FLT3: variants seen among roughly 807,000 people sequenced by gnomAD.
FLT3 encodes the protein receptor-type tyrosine-protein kinase FLT3.
In FLT3, 46 loss-of-function variants were observed where a neutral mutation model predicts 126.6. The observed-to-expected ratio is 0.36, with a 90% CI of 0.29 to 0.46. The LOEUF is 0.46. FLT3 is among the 20% of genes least tolerant of loss of function. The pLI, the probability that FLT3 is intolerant of heterozygous loss-of-function variation, is 1.00. For missense variants in FLT3, 1,069 were observed against 1,190.3 expected (o/e 0.90, Z 1.50); for synonymous variants, 404 against 434.4 (o/e 0.93, Z 0.87).
At chr13:28,092,831 C>CA (rs1169096638) in intron 1 of FLT3, among the ~76,000 whole-genome samples, 125 of 110,408 alleles carry the variant, frequency 1.1e-3, no homozygotes, top group African/African-American at 1.9e-3. Context: ...ACTCACTTTC[C>CA]AAAAAAAAAA....
At position 28,015,273 on chromosome 13, in the gene FLT3, A is replaced by G. The variant is rs779282825; in HGVS notation, c.2654-17T>C. The G allele has an allele frequency of 3.4e-6, 5 of 1,458,464 alleles. No homozygotes were observed. Among genetic ancestry groups the G allele is most frequent in the Non-Finnish European group, 4.8e-6 (5 of 1,039,858 alleles). 90.3% of individuals were successfully genotyped at this position (1,458,464 alleles called of 1,614,324 possible). A position where few individuals can be genotyped will look rare whatever the true frequency, so the allele number is the denominator to read the frequency against. ...GATTCACACCTGAGGAAAACATTAG[A>G]CAATTGCAGCCATTCATCCATTTCT... On this transcript the variant is annotated splice_polypyrimidine_tract_variant and intron_variant, in intron 21 of 23. Coordinates refer to ENST00000241453, the MANE Select transcript of FLT3 (RefSeq NM_004119.3).
At chr13:28,028,970 T>TG (rs145722194) in intron 15 of FLT3, among the ~76,000 whole-genome samples, 25,188 of 151,894 alleles carry the variant, frequency 0.17, 2,296 homozygotes, top group Admixed American at 0.23. Context: ...TTTGTAGAGA[T>TG]GGGGTCTCAC....
At position 28,027,159 on chromosome 13, in the gene FLT3, C is replaced by T. The variant is rs1156786993; in HGVS notation, c.2136G>A (p.Arg712=). Residue 712 remains arginine, a synonymous_variant, in exon 17 of 24, where the codon AGG becomes AGA. Coordinates refer to ENST00000241453, the MANE Select transcript of FLT3 (RefSeq NM_004119.3). The part of the protein sequence containing the change: ...YLRSKREKFH[R]TWTEIFKEHN... ...GTTCCTTGAAAATCTCTGTCCAAGT[C>T]CTGTGAAATTTTTCTCTTTTACTTC... The T allele has an allele frequency of 2.5e-6, 4 of 1,613,322 alleles. No individual in the cohort carries two copies. The highest frequency in any genetic ancestry group is 3.4e-6 in the Non-Finnish European group (4 of 1,179,336).
chr13:28,069,591 A>C (rs7993593), intron 2 of FLT3, among the ~76,000 whole-genome samples: 143,625 of 152,174 alleles, frequency 0.94, 68,307 homozygotes, highest in Non-Finnish European at 1. Context: ...GAAATACAGT[A>C]GGCCCTCTGT....
intron 15 of FLT3, among the ~76,000 whole-genome samples, chr13:28,032,933 G>A (rs1873475355): frequency 6.6e-6 from 1 of 152,178 alleles, no homozygotes; most frequent in African/African-American, 2.4e-5. Flanking sequence ...GCTTTTGCTG[G>A]GTCAGCGGTG....
intron 3 of FLT3, among the ~76,000 whole-genome samples, chr13:28,061,559 A>G (rs559646077): frequency 8.9e-4 from 136 of 152,004 alleles, no homozygotes; most frequent in African/African-American, 2.9e-3. Context: ...TAAACCCAGG[A>G]GCTCAAGACC....
intron 1 of FLT3, among the ~76,000 whole-genome samples, chr13:28,078,591 A>C (rs908806310): frequency 6.6e-6 from 1 of 152,212 alleles, no homozygotes; most frequent in African/African-American, 2.4e-5. Flanking sequence ...GCTGCTGTGA[A>C]GGTCTCCAAC....
intron 2 of FLT3, among the ~76,000 whole-genome samples, chr13:28,064,101 G>A (rs1009643340): frequency 4.0e-5 from 6 of 151,854 alleles, no homozygotes; most frequent in East Asian, 3.9e-4. Flanking sequence ...GCAAGACCCC[G>A]TCCCAAAACA....
intron 2 of FLT3, among the ~76,000 whole-genome samples, chr13:28,067,292 G>A (rs768836869): frequency 6.6e-6 from 1 of 152,166 alleles, no homozygotes; most frequent in Non-Finnish European, 1.5e-5. Flanking sequence ...CAAAATGCTG[G>A]GATTACAGGC....
At chr13:28,010,660 C>T (rs1311637096) in intron 23 of FLT3, among the ~76,000 whole-genome samples, 1 of 152,200 alleles carries the variant, frequency 6.6e-6, no homozygotes, top group African/African-American at 2.4e-5. Context: ...ATTTCCCACT[C>T]TTTCTCTCTG....
chr13:28,035,586 G>C lies in FLT3; in HGVS notation c.1506C>G (p.Asn502Lys). 1 of 1,614,118 alleles carries C rather than the reference G, an allele frequency of 6.2e-7. No individual in the cohort carries two copies. Among genetic ancestry groups the C allele is most frequent in the Non-Finnish European group, 8.5e-7 (1 of 1,180,002 alleles). ...GGAACCCTTTTATGGCTTCACTCAT[G>C]TTTAGAGTACTGCTCGACACCCACT... is the stretch of plus-strand genomic sequence containing the variant. The part of the protein sequence containing the change: ...FGQWVSSSTL[N>K]MSEAIKGFLV... The change falls in exon 12 of 24, where the codon AAC (asparagine) becomes AAG (lysine). Residue 502 changes from asparagine (N) to lysine (K), a missense_variant. Asn to Lys is a moderately conservative substitution (Grantham distance 94). Coordinates refer to ENST00000241453, the MANE Select transcript of FLT3 (RefSeq NM_004119.3).
chr13:28,049,581 C>G, intron 7 of FLT3, 44 bp from the exon 8 acceptor site: 1 of 1,612,790 alleles, frequency 6.2e-7, no homozygotes. Context: ...GTTTTCAATC[C>G]AGACTATTAG....
rs1879727067 is a variant in FLT3 at position 28,100,165 on chromosome 13, G to C, written c.43+303C>G. On this transcript the variant is annotated intron_variant, in intron 1 of 23. Coordinates refer to ENST00000241453, the MANE Select transcript of FLT3 (RefSeq NM_004119.3). The surrounding 1 kb of genome is among the most constrained non-coding windows in gnomAD (Gnocchi z 4.8). ...CGCGGGCCGAGCTGCCCCAGACCCG[G>C]CGCAGCGCCTCGGCGAGGCCGTCTG... 6.6e-6 allele frequency among the ~76,000 whole-genome samples: 1 copy of C among 152,134 alleles called. No individual in the cohort carries two copies. Among genetic ancestry groups the C allele is most frequent in the Non-Finnish European group, 1.5e-5 (1 of 68,028 alleles).
chr13:28,041,676 G>C (rs1874389399), intron 9 of FLT3, among the ~76,000 whole-genome samples: 1 of 152,212 alleles, frequency 6.6e-6, no homozygotes, highest in South Asian at 2.1e-4. Flanking sequence ...ACCGTGTCCT[G>C]ACCCCATGGG....
chr13:28,064,419 A>G (rs1258409348), intron 2 of FLT3, among the ~76,000 whole-genome samples: 1 of 152,050 alleles, frequency 6.6e-6, no homozygotes, highest in African/African-American at 2.4e-5. Context: ...CTAAAAATAT[A>G]AAAATTAGCC....
At chr13:28,077,131 A>C (rs1878003354) in intron 1 of FLT3, among the ~76,000 whole-genome samples, 1 of 151,766 alleles carries the variant, frequency 6.6e-6, no homozygotes, top group African/African-American at 2.4e-5. Context: ...GAGAAAAGAA[A>C]GAAAGAAAAA....
rs181952117 is a variant in FLT3 at position 28,033,766 on chromosome 13, T to C, written c.1942+121A>G. On this transcript the variant is annotated intron_variant, in intron 15 of 23. Transcript: ENST00000241453. ...TTGACACCCCAATCCACTCCATTTT[T>C]AGCCTTGAAACATGGCAAACAGTAA... 6.2e-4 allele frequency: 484 copies of C among 780,474 alleles called. 3 individuals carry two copies. The East Asian group carries it at 9.3e-3, about 15-fold the overall frequency. 48.3% of individuals were successfully genotyped at this position (780,474 alleles called of 1,614,324 possible). A position where few individuals can be genotyped will look rare whatever the true frequency, so the allele number is the denominator to read the frequency against.
Position 28,014,321 on chromosome 13 carries a change from G to C in FLT3, c.2859+131C>G, listed in dbSNP as rs895638137. 58 of 651,554 alleles carry C rather than the reference G, an allele frequency of 8.9e-5. 1 individual carries two copies. The East Asian group carries it at 1.6e-3, about 18-fold the overall frequency. The allele number at this position is 651,554 out of a possible 1,614,324, so 40.4% of individuals were successfully genotyped here. On this transcript the variant is annotated intron_variant, in intron 23 of 23. Transcript: ENST00000241453. ...ATAAAGTCTTACCCCACACAACTTT[G>C]AAAGGGCAACCCAGAAAAACTGCAA... is the stretch of plus-strand genomic sequence containing the variant.
chr13:28,098,314 CAAAAAA>C (rs55675449), intron 1 of FLT3, among the ~76,000 whole-genome samples: 4 of 85,298 alleles, frequency 4.7e-5, no homozygotes, highest in East Asian at 3.2e-4. Context: ...GACTCCGTCT[CAAAAAA>C]AAAAAAAAAA....
Sources: gnomAD v4.1 joint callset for allele counts (sites outside exome capture counted in the v4.1 genomes callset) on GRCh38, gnomAD v4.1.1 for gene constraint, Gnocchi (gnomAD v3.1) non-coding constraint, MANE v1.5 for transcripts, NCBI Gene and HGNC (gene_info 2026-07-23, HGNC 2026-07-21) for gene names.